The following GPR107 variants were observed in gnomAD, a reference collection of about 807,000 sequenced individuals.
GPR107 encodes G protein-coupled receptor 107, also known as protein GPR107.
Under a neutral mutation model 75.5 loss-of-function variants are expected in GPR107, and 31 were observed. The observed-to-expected ratio is 0.41, with a 90% CI of 0.31 to 0.55. The LOEUF (loss-of-function observed/expected upper bound fraction) is 0.55. GPR107 is among the 20% of genes least tolerant of loss of function. The probability of loss-of-function intolerance (pLI) is 0.26; values close to 1 mark genes in which losing one functional copy is unlikely to be tolerated. For synonymous variants in GPR107, 267 were observed against 251.3 expected (o/e 1.06, Z -0.59); for missense variants, 572 against 665.7 (o/e 0.86, Z 1.55).
In GPR107 at chr9:130,127,435, C is replaced by T. The variant is rs1198535862; in HGVS notation, c.1357-48C>T. On this transcript the variant is annotated intron_variant, in intron 15 of 17. Transcript: ENST00000347136. ...GAAAGCAAATTGTTAAAGTGGTGTC[C>T]TAATTTTAATGTTGATCTGATTTCC... 5.1e-6 allele frequency: 5 copies of T among 984,472 alleles called. No homozygotes were observed. In the Admixed American group the frequency reaches 8.8e-5, roughly 17 times the overall value. The allele number at this position is 984,472 out of a possible 1,614,324, so 61.0% of individuals were successfully genotyped here.
At chr9:130,085,396 A>G (rs625330) in intron 6 of GPR107, among the ~76,000 whole-genome samples, 151,737 of 152,286 alleles carry the variant, frequency 1, 75,599 homozygotes, top group Non-Finnish European at 1. Context: ...TGATTTCTCC[A>G]TGAGGGGGAC....
Position 130,139,730 on chromosome 9 carries a change from A to G in GPR107, c.*4609A>G, listed in dbSNP as rs1386011668. 1 of 152,304 alleles carries G rather than the reference A, an allele frequency of 6.6e-6. No homozygotes were observed. Among genetic ancestry groups the G allele is most frequent in the African/African-American group, 2.4e-5 (1 of 41,464 alleles). 9.4% of individuals were successfully genotyped at this position (152,304 alleles called of 1,614,324 possible). On this transcript the variant is annotated 3_prime_UTR_variant, in exon 18 of 18. Transcript: ENST00000347136. ...CCACAGGACAGCTTATTTTGAGGCAAGGTTTTGGATTTTGGAGGAAGCAGC... is the reference window on the plus strand; with the variant it reads ...CCACAGGACAGCTTATTTTGAGGCAGGGTTTTGGATTTTGGAGGAAGCAGC...
chr9:130,093,038 T>G (rs1300516364), intron 9 of GPR107, among the ~76,000 whole-genome samples: 1 of 152,216 alleles, frequency 6.6e-6, no homozygotes. Flanking sequence ...GGGCTGTTGC[T>G]TCTGGAGAGG....
chr9:130,085,179 G>C lies in GPR107; in HGVS notation c.565-1241G>C, dbSNP rs148344103. On this transcript the variant is annotated intron_variant, in intron 6 of 17. Transcript: ENST00000347136. ...TGACGTGAAGGGTAGCCTTGGAGAA[G>C]GAGAAAGGGTTGTTAGAAGGACCAG... Among the ~76,000 whole-genome samples, 46 of 152,274 alleles carry C rather than the reference G, an allele frequency of 3.0e-4. No homozygotes were observed. In the East Asian group the frequency reaches 7.9e-3, roughly 26 times the overall value.
chr9:130,057,686 T>C (rs1471317678), intron 1 of GPR107, among the ~76,000 whole-genome samples: 1 of 151,886 alleles, frequency 6.6e-6, no homozygotes, highest in Non-Finnish European at 1.5e-5. Context: ...TTTTATTATT[T>C]TTAAAATTAG....
At chr9:130,131,481 C>T (rs888085649) in intron 17 of GPR107, among the ~76,000 whole-genome samples, 10 of 152,222 alleles carry the variant, frequency 6.6e-5, no homozygotes, top group South Asian at 6.2e-4. Flanking sequence ...CAACCTCCTG[C>T]GCTACCACAC....
chr9:130,103,576 G>A lies in GPR107; in HGVS notation c.1132-844G>A, dbSNP rs1218523929. Among the ~76,000 whole-genome samples the A allele has an allele frequency of 2.6e-5, 4 of 152,152 alleles. No individual in the cohort carries two copies. Among genetic ancestry groups the A allele is most frequent in the African/African-American group, 4.8e-5 (2 of 41,418 alleles). ...GCCTGAGTACAGAGCTTAATAGTGG[G>A]CCTGAGTATATGAGGCTGTAGGGCT... On this transcript the variant is annotated intron_variant, in intron 12 of 17. Transcript: ENST00000347136. The surrounding 1 kb of genome is among the most constrained non-coding windows in gnomAD (Gnocchi z 4.3).
chr9:130,124,481 A>T (rs1831624865), intron 14 of GPR107, among the ~76,000 whole-genome samples: 1 of 151,260 alleles, frequency 6.6e-6, no homozygotes. Context: ...CTAGTGGGAG[A>T]CCCCCCCAGG....
intron 1 of GPR107, among the ~76,000 whole-genome samples, chr9:130,073,326 G>C (rs1830257784): frequency 6.6e-6 from 1 of 152,148 alleles, no homozygotes; most frequent in South Asian, 2.1e-4. Flanking sequence ...GCCTCTAGGA[G>C]GGTAGTCATC....
chr9:130,129,938 A>G (rs1278430665), intron 17 of GPR107: 2 of 152,202 alleles, frequency 1.3e-5, no homozygotes, highest in East Asian at 3.8e-4. Flanking sequence ...CCCGCTTCCC[A>G]CATCCTTTCC....
At chr9:130,070,611 A>T (rs1405128708) in intron 1 of GPR107, among the ~76,000 whole-genome samples, 1 of 152,206 alleles carries the variant, frequency 6.6e-6, no homozygotes, top group Non-Finnish European at 1.5e-5. Context: ...GCCAAAAAGA[A>T]AAAGTTGAAA....
rs1554899942 is a variant in GPR107 at position 130,136,159 on chromosome 9, C to CT, written c.*1038_*1039insT. 1 of 152,194 alleles carries CT rather than the reference C, an allele frequency of 6.6e-6. No homozygotes were observed. The highest frequency in any genetic ancestry group is 1.9e-4 in the East Asian group (1 of 5,198). 9.4% of individuals were successfully genotyped at this position (152,194 alleles called of 1,614,324 possible). A position where few individuals can be genotyped will look rare whatever the true frequency, so the allele number is the denominator to read the frequency against. On this transcript the variant is annotated 3_prime_UTR_variant, in exon 18 of 18. Transcript: ENST00000347136. ...AGATGAATTCAACAGACTTGGTCCCCATAGTCCAAGAGTATGTATGTGAAG... is the reference window on the plus strand; with the variant it reads ...AGATGAATTCAACAGACTTGGTCCCCTATAGTCCAAGAGTATGTATGTGAAG...
chr9:130,082,947 GTC>G, intron 5 of GPR107, among the ~76,000 whole-genome samples: 1 of 152,000 alleles, frequency 6.6e-6, no homozygotes, highest in Non-Finnish European at 1.5e-5. Context: ...TTGAGATGGA[GTC>G]TCGCTCTGTC....
chr9:130,071,631 C>G (rs1487034482), intron 1 of GPR107, among the ~76,000 whole-genome samples: 1 of 151,998 alleles, frequency 6.6e-6, no homozygotes, highest in African/African-American at 2.4e-5. Flanking sequence ...ACTCTGAAAA[C>G]TGGGAGTTGT....
intron 14 of GPR107, among the ~76,000 whole-genome samples, chr9:130,116,977 G>A (rs531685535): frequency 4.8e-5 from 7 of 146,202 alleles, no homozygotes; most frequent in South Asian, 4.3e-4. Context: ...ACAGAGTTTC[G>A]CTCTTATTGC....
At chr9:130,067,902 G>A (rs1191788114) in intron 1 of GPR107, among the ~76,000 whole-genome samples, 3 of 151,574 alleles carry the variant, frequency 2.0e-5, no homozygotes, top group East Asian at 3.9e-4. Flanking sequence ...GCGCCACCAC[G>A]CCTGGCTAAT....
rs1490016150 is a variant in GPR107, at chr9:130,127,509, G to T, written c.1383G>T (p.Arg461Ser). Reference protein sequence around the residue: ...VLIVCYIYFTRIIAFLLKLAV... With the variant: ...VLIVCYIYFTSIIAFLLKLAV... ...TTGTGTGTTACATATACTTCACTAG[G>T]ATCATTGCATTTCTCCTCAAACTCG... Residue 461 changes from arginine to serine, a missense_variant, in exon 16 of 18, where the codon AGG (arginine) becomes AGT (serine). By Grantham distance (110) the Arg-to-Ser change is moderately radical (BLOSUM62 -1). Coordinates refer to ENST00000347136, the MANE Select transcript of GPR107 (RefSeq NM_020960.5). 6.3e-7 allele frequency: 1 copy of T among 1,597,724 alleles called. No homozygotes were observed. Among genetic ancestry groups the T allele is most frequent in the Non-Finnish European group, 8.6e-7 (1 of 1,165,224 alleles).
At chr9:130,062,900 G>A (rs1829966905) in intron 1 of GPR107, among the ~76,000 whole-genome samples, 1 of 152,026 alleles carries the variant, frequency 6.6e-6, no homozygotes, top group South Asian at 2.1e-4. Context: ...ATTTTTTTAT[G>A]TGGATATTTT....
chr9:130,089,790 G>A (rs752832847), intron 7 of GPR107, among the ~76,000 whole-genome samples: 4 of 152,072 alleles, frequency 2.6e-5, no homozygotes, highest in Non-Finnish European at 4.4e-5. Flanking sequence ...ATTGAGTTTG[G>A]CACATGGTTT....
Sources: allele counts gnomAD v4.1 joint callset (sites outside exome capture counted in the v4.1 genomes callset), GRCh38; gene constraint gnomAD v4.1.1; non-coding constraint Gnocchi (gnomAD v3.1); transcripts MANE v1.5; gene names NCBI Gene and HGNC (gene_info 2026-07-23, HGNC 2026-07-21).